Variants in SLC27A6 observed in about 807,000 individuals in gnomAD.
The protein encoded by SLC27A6 is long-chain fatty acid transport protein 6.
Under a neutral mutation model 63.9 loss-of-function variants are expected in SLC27A6, and 74 were observed. That is an observed-to-expected ratio of 1.16 (90% CI 0.96 to 1.40). SLC27A6 has a LOEUF of 1.40. Among genes scored for constraint, SLC27A6 ranks in the 40% most tolerant of loss-of-function variants. The probability of loss-of-function intolerance (pLI) is 0.00; values close to 1 mark genes in which losing one functional copy is unlikely to be tolerated. For missense variants in SLC27A6, 794 were observed against 732.9 expected (o/e 1.08, Z -0.96); for synonymous variants, 287 against 260.8 (o/e 1.10, Z -0.97).
At chr5:128,999,970 GAA>G (rs1751280254) in intron 4 of SLC27A6, among the ~76,000 whole-genome samples, 1 of 152,208 alleles carries the variant, frequency 6.6e-6, no homozygotes, top group South Asian at 2.1e-4. Flanking sequence ...GAGAGCAGGG[GAA>G]AAGACTGGTT....
At chr5:129,006,071 G>GTTTTTTTTTCTTTTT (rs1751514314) in intron 4 of SLC27A6, among the ~76,000 whole-genome samples, 1 of 60,148 alleles carries the variant, frequency 1.7e-5, no homozygotes, top group African/African-American at 8.3e-5. Context: ...TGTGCACACT[G>GTTTTTTTTTCTTTTT]TTTTTTTTTT....
In SLC27A6 at chr5:129,033,345, C is replaced by A. The variant is rs1333591396; in HGVS notation, c.*63C>A. ...AAGAGTGAGAGGGGGGTATATGATT[C>A]TTTATGAAATGGGGAAAGGGAGCTA... On this transcript the variant is annotated 3_prime_UTR_variant, in exon 10 of 10. Coordinates refer to ENST00000262462, the MANE Select transcript of SLC27A6 (RefSeq NM_001017372.3). 4 of 964,780 alleles carry A rather than the reference C, an allele frequency of 4.1e-6. No individual in the cohort carries two copies. The highest frequency in any genetic ancestry group is 6.0e-6 in the Non-Finnish European group (4 of 666,148). The allele number at this position is 964,780 out of a possible 1,614,324, so 59.8% of individuals were successfully genotyped here. A position where few individuals can be genotyped will look rare whatever the true frequency, so the allele number is the denominator to read the frequency against.
At chr5:129,019,657 G>T (rs567793300) in intron 5 of SLC27A6, among the ~76,000 whole-genome samples, 1 of 151,676 alleles carries the variant, frequency 6.6e-6, no homozygotes, top group Non-Finnish European at 1.5e-5. Context: ...AAGTAAGCAC[G>T]CTCAGCTCAA....
intron 3 of SLC27A6, among the ~76,000 whole-genome samples, chr5:128,988,977 G>T (rs1750883907): frequency 6.6e-6 from 1 of 152,124 alleles, no homozygotes; most frequent in African/African-American, 2.4e-5. Context: ...TTGGCCATGT[G>T]GTCGGAGCTG....
At chr5:129,004,210 C>T (rs1303563616) in intron 4 of SLC27A6, among the ~76,000 whole-genome samples, 1 of 152,024 alleles carries the variant, frequency 6.6e-6, no homozygotes, top group African/African-American at 2.4e-5. Flanking sequence ...CAGTGTGAGT[C>T]CCTCTGTCTC....
At chr5:129,022,073 T>C (rs557365015) in intron 5 of SLC27A6, among the ~76,000 whole-genome samples, 7 of 152,214 alleles carry the variant, frequency 4.6e-5, no homozygotes, top group Admixed American at 6.5e-5. Flanking sequence ...CCGGAACTTC[T>C]GGACTCTTTC....
At chr5:129,001,360 C>T (rs1751325840) in intron 4 of SLC27A6, among the ~76,000 whole-genome samples, 1 of 152,170 alleles carries the variant, frequency 6.6e-6, no homozygotes, top group African/African-American at 2.4e-5. Context: ...ACTGGCTCTG[C>T]AATAGCCATT....
Position 128,965,869 on chromosome 5 carries a change from C to G in SLC27A6, c.-269C>G. On this transcript the variant is annotated 5_prime_UTR_variant, in exon 1 of 10. Coordinates refer to ENST00000262462, the MANE Select transcript of SLC27A6 (RefSeq NM_001017372.3). Reference sequence around the variant, plus strand: ...CCTGAGGGTGGCTGTGTTGGTTTCTCGCAGGAGTCGGAGGCTCCCTGCTTT... The same window carrying G: ...CCTGAGGGTGGCTGTGTTGGTTTCTGGCAGGAGTCGGAGGCTCCCTGCTTT... 1 of 344,126 alleles carries G rather than the reference C, an allele frequency of 2.9e-6. No homozygotes were observed. The highest frequency in any genetic ancestry group is 5.3e-6 in the Non-Finnish European group (1 of 189,066). The allele number at this position is 344,126 out of a possible 1,614,324, so 21.3% of individuals were successfully genotyped here. A position where few individuals can be genotyped will look rare whatever the true frequency, so the allele number is the denominator to read the frequency against.
chr5:128,966,701 G>T, intron 1 of SLC27A6, 83 bp downstream of exon 1: 1 of 1,315,780 alleles, frequency 7.6e-7, no homozygotes, highest in Non-Finnish European at 9.8e-7. Context: ...AGGATAATTC[G>T]TAACTAATAT....
At chr5:129,000,656 C>G (rs1751303340) in intron 4 of SLC27A6, among the ~76,000 whole-genome samples, 1 of 152,124 alleles carries the variant, frequency 6.6e-6, no homozygotes. Context: ...GGACCCTGCA[C>G]TTTTTGGAAC....
chr5:129,021,176 A>G (rs942467670), intron 5 of SLC27A6, among the ~76,000 whole-genome samples: 1 of 146,746 alleles, frequency 6.8e-6, no homozygotes, highest in Non-Finnish European at 1.5e-5. Context: ...TAGTGTTACC[A>G]TCTAGTTGCC....
chr5:129,010,808 T>A (rs1751702751), intron 4 of SLC27A6, among the ~76,000 whole-genome samples: 1 of 152,014 alleles, frequency 6.6e-6, no homozygotes, highest in Non-Finnish European at 1.5e-5. Context: ...TGGAAGGAGA[T>A]ACTTCCAAGA....
At chr5:128,994,929 A>T (rs1342372555) in intron 4 of SLC27A6, among the ~76,000 whole-genome samples, 1 of 152,164 alleles carries the variant, frequency 6.6e-6, no homozygotes, top group Non-Finnish European at 1.5e-5. Flanking sequence ...TTTTGGCATA[A>T]ACGTTAGATG....
intron 5 of SLC27A6, among the ~76,000 whole-genome samples, chr5:129,016,510 A>G (rs1751905317): frequency 1.3e-5 from 2 of 149,114 alleles, no homozygotes; most frequent in South Asian, 4.2e-4. Flanking sequence ...TAAGTTGAGA[A>G]TTTCTAGAAA....
intron 4 of SLC27A6, among the ~76,000 whole-genome samples, chr5:128,992,472 C>T (rs1181990): frequency 0.87 from 132,302 of 152,196 alleles, 58,625 homozygotes; most frequent in Non-Finnish European, 0.95. Flanking sequence ...TCCAGTCGAG[C>T]TTCTGACCCA....
chr5:128,997,006 C>G (rs1751183327), intron 4 of SLC27A6, among the ~76,000 whole-genome samples: 1 of 152,022 alleles, frequency 6.6e-6, no homozygotes, highest in Non-Finnish European at 1.5e-5. Context: ...TAAAAATATT[C>G]TCTCATCACA....
chr5:129,025,280 C>T (rs1340745175), intron 6 of SLC27A6, among the ~76,000 whole-genome samples: 1 of 151,618 alleles, frequency 6.6e-6, no homozygotes, highest in Non-Finnish European at 1.5e-5. Flanking sequence ...TAAACATTTG[C>T]AACAATTAGT....
intron 1 of SLC27A6, among the ~76,000 whole-genome samples, chr5:128,978,707 A>G (rs1277904282): frequency 6.6e-6 from 1 of 152,220 alleles, no homozygotes; most frequent in Non-Finnish European, 1.5e-5. Context: ...TCTATTTCAA[A>G]GAAACCACAC....
chr5:129,000,457 G>T (rs1334388583), intron 4 of SLC27A6, among the ~76,000 whole-genome samples: 1 of 152,162 alleles, frequency 6.6e-6, no homozygotes, highest in African/African-American at 2.4e-5. Flanking sequence ...ATACTTGTGT[G>T]CTCATGACCA....
Sources: allele counts gnomAD v4.1 joint callset (sites outside exome capture counted in the v4.1 genomes callset), GRCh38; gene constraint gnomAD v4.1.1; transcripts MANE v1.5; gene names NCBI Gene and HGNC (gene_info 2026-07-23, HGNC 2026-07-21).